The following TMPRSS15 variants were observed in gnomAD, a reference collection of about 807,000 sequenced individuals.
The protein encoded by TMPRSS15 is transmembrane serine protease 15.
TMPRSS15 carries 128 observed loss-of-function variants against 125.3 expected under a neutral mutation model. That is an observed-to-expected ratio of 1.02 (90% CI 0.89 to 1.18). The LOEUF (loss-of-function observed/expected upper bound fraction) is 1.18, where lower values mean the gene tolerates loss of function less well. TMPRSS15 is among the 50% of genes most tolerant of loss of function. TMPRSS15 has a pLI of 0.00. For synonymous variants in TMPRSS15, 446 were observed against 423.2 expected, an observed-to-expected ratio of 1.05 and a Z score of -0.66; for missense variants, 1,283 against 1,212.7, an observed-to-expected ratio of 1.06 and a Z score of -0.86.
At chr21:18,288,770 C>G (rs10222197) in intron 21 of TMPRSS15, among the ~76,000 whole-genome samples, 121,938 of 151,420 alleles carry the variant, frequency 0.81, 49,317 homozygotes, top group Non-Finnish European at 0.83. Context: ...CTCAAACTCC[C>G]GAGCTCAGGC....
intron 1 of TMPRSS15, among the ~76,000 whole-genome samples, chr21:18,458,199 A>G (rs1262869437): frequency 6.6e-6 from 1 of 152,170 alleles, no homozygotes; most frequent in East Asian, 1.9e-4. Flanking sequence ...GCCATCTGGA[A>G]GGAGCTGTTG....
chr21:18,437,674 C>G (rs979129922), intron 1 of TMPRSS15, among the ~76,000 whole-genome samples: 5 of 152,086 alleles, frequency 3.3e-5, no homozygotes, highest in Non-Finnish European at 7.3e-5. Flanking sequence ...AGGATATGAG[C>G]GGACACTTCT....
chr21:18,383,458 T>C (rs1189019900), intron 4 of TMPRSS15, among the ~76,000 whole-genome samples, 169 bp downstream of exon 4: 1 of 152,232 alleles, frequency 6.6e-6, no homozygotes, highest in Non-Finnish European at 1.5e-5. Flanking sequence ...GATAAGTTTC[T>C]TCAAATGCGG....
intron 7 of TMPRSS15, among the ~76,000 whole-genome samples, chr21:18,361,773 T>C (rs907204306): frequency 6.6e-6 from 1 of 152,076 alleles, no homozygotes; most frequent in Non-Finnish European, 1.5e-5. Flanking sequence ...GTTAGTGCAA[T>C]GGCAGCTACT....
intron 3 of TMPRSS15, among the ~76,000 whole-genome samples, chr21:18,384,824 C>T (rs980380294): frequency 6.6e-6 from 1 of 152,106 alleles, no homozygotes; most frequent in Non-Finnish European, 1.5e-5. Flanking sequence ...AGTTTATGAG[C>T]TTGTTGAAGG....
chr21:18,378,646 T>G (rs1032599048), intron 5 of TMPRSS15, among the ~76,000 whole-genome samples: 1 of 152,064 alleles, frequency 6.6e-6, no homozygotes. Flanking sequence ...CAATATTGCC[T>G]TTATTGAATT....
At chr21:18,401,124 G>A (rs142663765) in intron 1 of TMPRSS15, among the ~76,000 whole-genome samples, 14 of 152,244 alleles carry the variant, frequency 9.2e-5, no homozygotes, top group African/African-American at 1.7e-4. Context: ...CTTATACACC[G>A]TTGATAGAAA....
intron 1 of TMPRSS15, among the ~76,000 whole-genome samples, chr21:18,451,203 G>C (rs1030956296): frequency 6.6e-6 from 1 of 151,902 alleles, no homozygotes; most frequent in Non-Finnish European, 1.5e-5. Context: ...TTAATAAAAA[G>C]CCCATCATAA....
intron 3 of TMPRSS15, among the ~76,000 whole-genome samples, chr21:18,386,812 C>A (rs1041018364): frequency 1.3e-5 from 2 of 152,056 alleles, no homozygotes; most frequent in Admixed American, 1.3e-4. Flanking sequence ...GTAATTTCAC[C>A]GGTTCAATTT....
Position 18,382,276 on chromosome 21 carries a change from T to C in TMPRSS15, c.496+1351A>G, listed in dbSNP as rs547597892. Among the ~76,000 whole-genome samples the C allele has an allele frequency of 2.5e-4, 38 of 152,288 alleles. No homozygotes were observed. In the East Asian group the frequency reaches 7.0e-3, roughly 28 times the overall value. ...AAAATGTTGATAGATAAACCACCTG[T>C]TCTAGCTAATAATAGCCAGTAGTAG... On this transcript the variant is annotated intron_variant, in intron 4 of 24. Coordinates refer to ENST00000284885, the MANE Select transcript of TMPRSS15 (RefSeq NM_002772.3).
intron 16 of TMPRSS15, among the ~76,000 whole-genome samples, chr21:18,325,525 A>G (rs550693521): frequency 1.3e-5 from 2 of 152,152 alleles, no homozygotes; most frequent in African/African-American, 2.4e-5. Context: ...GTATTAGATA[A>G]TAGGCCAGAT....
At chr21:18,395,341 G>A (rs2076025131) in intron 3 of TMPRSS15, among the ~76,000 whole-genome samples, 1 of 152,142 alleles carries the variant, frequency 6.6e-6, no homozygotes, top group Non-Finnish European at 1.5e-5. Flanking sequence ...CAGACTAATG[G>A]CAGCTTGACA....
At chr21:18,411,159 G>A (rs1345261481) in intron 1 of TMPRSS15, among the ~76,000 whole-genome samples, 2 of 152,038 alleles carry the variant, frequency 1.3e-5, no homozygotes, top group East Asian at 1.9e-4. Flanking sequence ...CATAAAGGAA[G>A]TCCTTAAGTA....
intron 6 of TMPRSS15, among the ~76,000 whole-genome samples, chr21:18,367,784 TG>T (rs934267793): frequency 5.9e-5 from 9 of 152,258 alleles, no homozygotes; most frequent in African/African-American, 9.6e-5. Flanking sequence ...TATGATGTTA[TG>T]GGGGAAACTG....
rs539968323 is a variant in TMPRSS15 at position 18,440,372 on chromosome 21, C to CAAAAAA, written c.11-42049_11-42044dup. On this transcript the variant is annotated intron_variant, in intron 1 of 7. Coordinates refer to the TMPRSS15 transcript ENST00000422787. ...TGGGCGACAGAGCGAAACTCCGTCT[C>CAAAAAA]AAAAAAAAAAAAAAAAAGAAAACTG... 1.2e-3 allele frequency among the ~76,000 whole-genome samples: 59 copies of CAAAAAA among 47,392 alleles called. 1 individual carries two copies. The highest frequency in any genetic ancestry group is 3.8e-3 in the African/African-American group (46 of 12,074). The allele number at this position is 47,392 out of a possible 152,430, so 31.1% of individuals were successfully genotyped here.
intron 4 of TMPRSS15, among the ~76,000 whole-genome samples, chr21:18,383,062 C>T (rs1283015470): frequency 1.3e-5 from 2 of 152,056 alleles, no homozygotes; most frequent in African/African-American, 2.4e-5. Context: ...AATTAGAAAT[C>T]GGACCTTGCC....
intron 16 of TMPRSS15, among the ~76,000 whole-genome samples, chr21:18,321,113 T>C (rs993722844): frequency 1.8e-5 from 2 of 112,516 alleles, no homozygotes; most frequent in Admixed American, 1.8e-4. Context: ...ATTCCATCGT[T>C]AAGACTCTGA....
intron 1 of TMPRSS15, among the ~76,000 whole-genome samples, chr21:18,474,254 G>A (rs867933018): frequency 1.1e-4 from 17 of 151,552 alleles, no homozygotes; most frequent in Admixed American, 1.3e-4. Flanking sequence ...CATATAGGTA[G>A]ATAAGTAGGC....
intron 24 of TMPRSS15, among the ~76,000 whole-genome samples, chr21:18,271,347 G>GT (rs1168203636): frequency 3.9e-5 from 6 of 152,076 alleles, no homozygotes; most frequent in African/African-American, 1.2e-4. Flanking sequence ...GGAGTAACTT[G>GT]TTTTTTTACA....
Sources: allele counts gnomAD v4.1 joint callset (sites outside exome capture counted in the v4.1 genomes callset), GRCh38; gene constraint gnomAD v4.1.1; transcripts MANE v1.5; gene names NCBI Gene and HGNC (gene_info 2026-07-23, HGNC 2026-07-21).